LARP4B: variants seen among roughly 807,000 people sequenced by gnomAD.
LARP4B encodes la-related protein 4B.
Under a neutral mutation model 89.8 loss-of-function variants are expected in LARP4B, and 12 were observed. The observed-to-expected ratio is 0.13, with a 90% CI of 0.09 to 0.22. The LOEUF is 0.22. Among genes scored for constraint, LARP4B ranks in the 10% least tolerant of loss-of-function variants. The pLI is 1.00. For synonymous variants in LARP4B, 367 were observed against 363.3 expected, an observed-to-expected ratio of 1.01 and a Z score of -0.12; for missense variants, 757 against 947.7, an observed-to-expected ratio of 0.80 and a Z score of 2.64.
the LARP4B span, among the ~76,000 whole-genome samples, chr10:980,970 T>C: frequency 1.3e-5 from 2 of 152,234 alleles, no homozygotes; most frequent in Admixed American, 6.5e-5. Flanking sequence ...GGTCATTTCT[T>C]TGCTCCCCCA....
At chr10:817,694 G>T (rs759317865) in intron 15 of LARP4B, 31 bp downstream of exon 15, 47 of 1,594,064 alleles carry the variant, frequency 2.9e-5, no homozygotes, top group Middle Eastern at 1.7e-4. Context: ...GACACTGTTG[G>T]CAACTATTAG....
chr10:974,658 G>A, the LARP4B span, among the ~76,000 whole-genome samples: 1 of 152,208 alleles, frequency 6.6e-6, no homozygotes, highest in Non-Finnish European at 1.5e-5. Flanking sequence ...ATGAGGCCAG[G>A]CCACTGGTCC....
At chr10:928,059 A>C (rs1358293693) in intron 1 of LARP4B, among the ~76,000 whole-genome samples, 1 of 84,012 alleles carries the variant, frequency 1.2e-5, no homozygotes. Flanking sequence ...CTAAAAATAC[A>C]AAAAAAAAAA....
Position 885,655 on chromosome 10 carries a change from C to T in LARP4B, c.67G>A (p.Asp23Asn). 1 of 1,614,070 alleles carries T rather than the reference C, an allele frequency of 6.2e-7. No individual in the cohort carries two copies. Among genetic ancestry groups the T allele is most frequent in the Non-Finnish European group, 8.5e-7 (1 of 1,179,956 alleles). The change falls in exon 2 of 18, where the codon GAC becomes AAC. Residue 23 changes from aspartate (D) to asparagine (N), a missense_variant. This residue lies in a region of LARP4B where 175 missense variants were observed against 187.0 expected (regional missense o/e 0.94). Coordinates refer to ENST00000316157, the MANE Select transcript of LARP4B (RefSeq NM_015155.3). ...PQTQRVQEGK[D>N]SAHLMNGPIS... is the part of the protein sequence containing the mutation. ...ACAGCACCCACCAGATGAGCGCTGT[C>T]CTTGCCCTCCTGGACTCTCTGCGTC...
At chr10:962,097 A>G in the LARP4B span, among the ~76,000 whole-genome samples, 2 of 152,116 alleles carry the variant, frequency 1.3e-5, no homozygotes, top group Non-Finnish European at 2.9e-5. Flanking sequence ...GTTCGAGACC[A>G]GCCTGGCCAA....
chr10:926,877 A>C (rs766030573), intron 1 of LARP4B, among the ~76,000 whole-genome samples: 7 of 152,150 alleles, frequency 4.6e-5, no homozygotes, highest in Admixed American at 4.6e-4. Context: ...TTTGTACTAA[A>C]GTACAAAAAT....
At chr10:848,836 G>A (rs1381837283) in intron 5 of LARP4B, among the ~76,000 whole-genome samples, 3 of 152,150 alleles carry the variant, frequency 2.0e-5, no homozygotes, top group Non-Finnish European at 2.9e-5. Context: ...TCTACACACA[G>A]GAGTAGAGAG....
intron 10 of LARP4B, 28 bp downstream of exon 10, chr10:829,653 A>G (rs770536066): frequency 6.2e-7 from 1 of 1,611,004 alleles, no homozygotes; most frequent in Non-Finnish European, 8.5e-7. Flanking sequence ...TTGCAAATAA[A>G]CAAAGTATAA....
chr10:912,058 T>G lies in LARP4B; in HGVS notation c.-40+19370A>C, dbSNP rs572540158. Among the ~76,000 whole-genome samples the G allele has an allele frequency of 3.9e-5, 6 of 152,354 alleles. No homozygotes were observed. The East Asian group carries it at 5.8e-4, about 15-fold the overall frequency. On this transcript the variant is annotated intron_variant, in intron 1 of 17. Coordinates refer to ENST00000316157, the MANE Select transcript of LARP4B (RefSeq NM_015155.3). ...GGCTGACTGGGCCACTCACCAACCT[T>G]GAGGGAATGTCCTTGCAGTGAGAAG...
chr10:857,587 C>T (rs1156696679), intron 5 of LARP4B, among the ~76,000 whole-genome samples: 1 of 152,188 alleles, frequency 6.6e-6, no homozygotes, highest in East Asian at 1.9e-4. Flanking sequence ...GTCGGGTGGC[C>T]GGTCTGAAGA....
chr10:937,204 A>G, the LARP4B span, among the ~76,000 whole-genome samples: 1 of 152,130 alleles, frequency 6.6e-6, no homozygotes, highest in Admixed American at 6.5e-5. Flanking sequence ...CACCATGCCC[A>G]GCTAATTTTT....
chr10:813,927 G>A (rs933132694), intron 17 of LARP4B, among the ~76,000 whole-genome samples: 3 of 150,964 alleles, frequency 2.0e-5, no homozygotes, highest in Non-Finnish European at 4.4e-5. Flanking sequence ...TCAGCCTCCT[G>A]AGTAGCTGGG....
Position 812,913 on chromosome 10 carries a change from A to G in LARP4B, c.*13T>C. The stretch of plus-strand genomic sequence containing the variant: ...AACACAGCGCTCTGCGACCCCTCCC[A>G]GACGTACGGTTTTCACTGAGGAGAC... On this transcript the variant is annotated 3_prime_UTR_variant, in exon 18 of 18. Transcript: ENST00000316157. 1 of 1,524,120 alleles carries G rather than the reference A, an allele frequency of 6.6e-7. No homozygotes were observed. The highest frequency in any genetic ancestry group is 8.8e-7 in the Non-Finnish European group (1 of 1,142,458). The allele number at this position is 1,524,120 out of a possible 1,614,324, so 94.4% of individuals were successfully genotyped here.
rs536314964 is a variant in LARP4B at position 865,458 on chromosome 10, GC to G, written c.142-1189del. On this transcript the variant is annotated intron_variant, in intron 3 of 17. Transcript: ENST00000316157. ...ACGAAGTTCCCACTGCAGCCACAGC[GC>G]CCTCCTGTGCTCACTGCTCCCTGGC... 1.4e-3 allele frequency among the ~76,000 whole-genome samples: 208 copies of G among 152,242 alleles called. 1 individual carries two copies. The highest frequency in any genetic ancestry group is 4.7e-3 in the African/African-American group (195 of 41,544).
intron 1 of LARP4B, among the ~76,000 whole-genome samples, chr10:901,122 T>C (rs562485138): frequency 1.2e-5 from 1 of 85,652 alleles, no homozygotes; most frequent in African/African-American, 4.7e-5. Flanking sequence ...GGTTTCACCA[T>C]GTTGGCCTGG....
At chr10:874,422 T>C (rs1013202423) in intron 3 of LARP4B, among the ~76,000 whole-genome samples, 1 of 152,188 alleles carries the variant, frequency 6.6e-6, no homozygotes, top group African/African-American at 2.4e-5. Flanking sequence ...GTACCAGAAC[T>C]AGAAAGTCTC....
chr10:968,867 C>T, the LARP4B span, among the ~76,000 whole-genome samples: 1 of 152,240 alleles, frequency 6.6e-6, no homozygotes. Context: ...TTCTATCTAA[C>T]TGCAAATGCA....
intron 5 of LARP4B, among the ~76,000 whole-genome samples, chr10:856,793 T>A (rs541237936): frequency 1.1e-4 from 17 of 152,314 alleles, no homozygotes; most frequent in Non-Finnish European, 2.1e-4. Flanking sequence ...ACCAGAGCAC[T>A]CTGTTCTTCT....
intron 1 of LARP4B, among the ~76,000 whole-genome samples, chr10:898,170 A>G (rs11253500): frequency 6.0e-4 from 92 of 152,338 alleles, no homozygotes; most frequent in African/African-American, 2.2e-3. Context: ...AAGTAAATAC[A>G]GAAAATTAAA....
Sources: allele counts gnomAD v4.1 joint callset (sites outside exome capture counted in the v4.1 genomes callset), GRCh38; gene constraint gnomAD v4.1.1; regional missense constraint gnomAD v4.1.1; transcripts MANE v1.5; gene names NCBI Gene and HGNC (gene_info 2026-07-23, HGNC 2026-07-21).